Variants in VPS16 observed in about 807,000 individuals in gnomAD.
The protein encoded by VPS16 is VPS16 core subunit of CORVET and HOPS complexes, also known as vacuolar protein sorting-associated protein 16 homolog.
VPS16 carries 82 observed loss-of-function variants against 116.0 expected under a neutral mutation model. The ratio of observed to expected loss-of-function variants is 0.71; its 90% CI spans 0.59 to 0.85. The LOEUF (loss-of-function observed/expected upper bound fraction) is 0.85, where lower values mean the gene tolerates loss of function less well. Ranked by LOEUF, VPS16 falls within the 40% of genes least tolerant of loss-of-function variation. The pLI, the probability that VPS16 is intolerant of heterozygous loss-of-function variation, is 0.00. For missense variants in VPS16, 928 were observed against 1,090.6 expected, an observed-to-expected ratio of 0.85 and a Z score of 2.10; for synonymous variants, 406 against 420.7, an observed-to-expected ratio of 0.96 and a Z score of 0.43.
In VPS16 at chr20:2,860,969, G is replaced by A; in HGVS notation, c.631-1G>A. 6.2e-7 allele frequency: 1 copy of A among 1,614,124 alleles called. No individual in the cohort carries two copies. Among genetic ancestry groups the A allele is most frequent in the South Asian group, 1.1e-5 (1 of 91,086 alleles). On this transcript the variant is annotated splice_acceptor_variant, in intron 6 of 23. Coordinates refer to ENST00000380445, the MANE Select transcript of VPS16 (RefSeq NM_022575.4). LOFTEE classifies it high-confidence loss of function. This position sits in a 1 kb window ranked among gnomAD's most constrained non-coding sequence, Gnocchi z 6.1. ...CCACCCCTACCCTGGCTCTGCCTCA[G>A]ACGCCCCCTGGCCTGGCCCCAGGAG...
chr20:2,851,588 G>A (rs964127544), intron 1 of VPS16, among the ~76,000 whole-genome samples: 2 of 151,966 alleles, frequency 1.3e-5, no homozygotes, highest in African/African-American at 4.8e-5. Flanking sequence ...CTGGAACCTG[G>A]GAGGCAGAGG....
At chr20:2,842,140 A>T (rs2088982776) in intron 1 of VPS16, among the ~76,000 whole-genome samples, 1 of 152,138 alleles carries the variant, frequency 6.6e-6, no homozygotes, top group Admixed American at 6.6e-5. Flanking sequence ...AAAGTTTTTT[A>T]AAAATATTTT....
chr20:2,861,473 G>A lies in VPS16; in HGVS notation c.810-142G>A. ...AGCTGCCTTGAGCTGAGAGCTCAGG[G>A]ATAAGAGGGAAGTGGAGAGGTCAGT... is the stretch of plus-strand genomic sequence containing the variant. On this transcript the variant is annotated intron_variant, in intron 8 of 23. Transcript: ENST00000380445. 4 of 1,339,004 alleles carry A rather than the reference G, an allele frequency of 3.0e-6. No homozygotes were observed. In the South Asian group the frequency reaches 5.5e-5, roughly 18 times the overall value. The allele number at this position is 1,339,004 out of a possible 1,614,324, so 82.9% of individuals were successfully genotyped here.
intron 8 of VPS16, 39 bp from the exon 9 acceptor site, chr20:2,861,576 T>C (rs367701853): frequency 3.8e-6 from 6 of 1,572,346 alleles, no homozygotes; most frequent in Non-Finnish European, 5.2e-6. Context: ...GACATGGCCA[T>C]GGGACAGTGT....
intron 1 of VPS16, among the ~76,000 whole-genome samples, chr20:2,856,962 T>TTTTTTC (rs1228214143): frequency 7.3e-6 from 1 of 137,736 alleles, no homozygotes; most frequent in African/African-American, 3.0e-5. Context: ...ATATGAACTT[T>TTTTTTC]TTTTTCTTTT....
chr20:2,863,145 G>A lies in VPS16; in HGVS notation c.1367+45G>A. ...GCAGTGAGCGGGCTGTCAGGGGGGTGGGCATTACAGCCTTGGGTGGGGTCT... is the reference window on the plus strand; with the variant it reads ...GCAGTGAGCGGGCTGTCAGGGGGGTAGGCATTACAGCCTTGGGTGGGGTCT... On this transcript the variant is annotated intron_variant, in intron 14 of 23. Coordinates refer to ENST00000380445, the MANE Select transcript of VPS16 (RefSeq NM_022575.4). The surrounding 1 kb of genome is among the most constrained non-coding windows in gnomAD (Gnocchi z 4.4). The A allele has an allele frequency of 5.6e-6, 9 of 1,613,564 alleles. No homozygotes were observed. The highest frequency in any genetic ancestry group is 7.6e-6 in the Non-Finnish European group (9 of 1,179,908).
rs142758672 is a variant in VPS16 at position 2,860,858 on chromosome 20, G to A, written c.625G>A (p.Ala209Thr). ...CCTCTTGGACCATGCAGCCTGCTCCGCAGTGGTAAGGGCCCTGAGTGGGAA... is the reference window on the plus strand; with the variant it reads ...CCTCTTGGACCATGCAGCCTGCTCCACAGTGGTAAGGGCCCTGAGTGGGAA... The part of the protein sequence containing the change: ...LYLLDHAACS[A>T]VTPPGLAPGV... Residue 209 changes from alanine (A) to threonine (T), a missense_variant, in exon 6 of 24, where the codon GCA (alanine) becomes ACA (threonine). Ala to Thr is a moderately conservative substitution (Grantham distance 58). Transcript: ENST00000380445. This position sits in a 1 kb window ranked among gnomAD's most constrained non-coding sequence, Gnocchi z 6.1. 55 of 1,614,076 alleles carry A rather than the reference G, an allele frequency of 3.4e-5. No homozygotes were observed. In the Middle Eastern group the frequency reaches 9.9e-4, roughly 29 times the overall value.
At chr20:2,852,866 A>G (rs1468129468) in intron 1 of VPS16, among the ~76,000 whole-genome samples, 3 of 152,228 alleles carry the variant, frequency 2.0e-5, no homozygotes, top group Non-Finnish European at 4.4e-5. Flanking sequence ...GGTGGCTATC[A>G]TAATTTCTTA....
At chr20:2,847,643 T>G (rs1255425404) in intron 1 of VPS16, among the ~76,000 whole-genome samples, 1 of 152,044 alleles carries the variant, frequency 6.6e-6, no homozygotes, top group African/African-American at 2.4e-5. Context: ...CACACCCAGC[T>G]AATTTTTGTA....
Position 2,865,646 on chromosome 20 carries a change from C to T in VPS16, c.2271+151C>T. 3 of 716,856 alleles carry T rather than the reference C, an allele frequency of 4.2e-6. No homozygotes were observed. The highest frequency in any genetic ancestry group is 6.8e-6 in the Non-Finnish European group (3 of 441,106). The allele number at this position is 716,856 out of a possible 1,614,324, so 44.4% of individuals were successfully genotyped here. ...TGCTTCCTGTATACACATTTGTGGG[C>T]AGGCATCATCTGCTGTGTTGGGTGC... On this transcript the variant is annotated intron_variant, in intron 22 of 23. Transcript: ENST00000380445. This position sits in a 1 kb window ranked among gnomAD's most constrained non-coding sequence, Gnocchi z 5.2.
chr20:2,861,755 C>T (rs1224341475), intron 9 of VPS16, 50 bp from the exon 10 acceptor site: 7 of 1,610,274 alleles, frequency 4.3e-6, no homozygotes, highest in Admixed American at 1.7e-5. Flanking sequence ...GGAGGGTTCA[C>T]CTGCCCCGTC....
At position 2,861,112 on chromosome 20, in the gene VPS16, CAG is replaced by C; in HGVS notation, c.753+21_753+22del. The C allele has an allele frequency of 6.2e-7, 1 of 1,614,200 alleles. No homozygotes were observed. Among genetic ancestry groups the C allele is most frequent in the South Asian group, 1.1e-5 (1 of 91,090 alleles). On this transcript the variant is annotated intron_variant, in intron 7 of 23. Transcript: ENST00000380445. ...CTCAAGGTATGATCCTGGGGCAACA[CAG>C]GGGTACTGTGCCTTGTCCAGGGTAC...
Position 2,866,193 on chromosome 20 carries a change from C to T in VPS16, c.2272-19C>T. ...GCTGTGCATTACCTTCTCCCTCCACCCGCTTCCTCTCCTCCAAGCCTTTTG... is the reference window on the plus strand; with the variant it reads ...GCTGTGCATTACCTTCTCCCTCCACTCGCTTCCTCTCCTCCAAGCCTTTTG... On this transcript the variant is annotated intron_variant, in intron 22 of 23. Transcript: ENST00000380445. 6.2e-7 allele frequency: 1 copy of T among 1,612,592 alleles called. No individual in the cohort carries two copies. Among genetic ancestry groups the T allele is most frequent in the Non-Finnish European group, 8.5e-7 (1 of 1,178,918 alleles).
In VPS16 at chr20:2,860,211, C is replaced by T; in HGVS notation, c.241-28C>T. 1 of 1,613,968 alleles carries T rather than the reference C, an allele frequency of 6.2e-7. No homozygotes were observed. The highest frequency in any genetic ancestry group is 8.5e-7 in the Non-Finnish European group (1 of 1,179,986). On this transcript the variant is annotated intron_variant, in intron 3 of 23. Coordinates refer to ENST00000380445, the MANE Select transcript of VPS16 (RefSeq NM_022575.4). The surrounding 1 kb of genome is among the most constrained non-coding windows in gnomAD (Gnocchi z 6.1). ...TGGACAGGGTTTCCTCACCTGAGGA[C>T]AGCCTTAGGAACCTCTCTCCCCTGC...
intron 7 of VPS16, 38 bp from the exon 8 acceptor site, chr20:2,861,187 G>A (rs1198136884): frequency 6.2e-7 from 1 of 1,614,214 alleles, no homozygotes; most frequent in South Asian, 1.1e-5. Context: ...AATGGTGACT[G>A]CTGGGACAGG....
At chr20:2,841,107 C>CGCGGGTGACA in intron 1 of VPS16, 1 of 501,358 alleles carries the variant, frequency 2.0e-6, no homozygotes, top group South Asian at 2.4e-5. Flanking sequence ...GGAGGCAGCT[C>CGCGGGTGACA]GCGGGTGACA....
chr20:2,861,398 C>T (rs1176223048), intron 8 of VPS16, 118 bp downstream of exon 8: 1 of 1,509,534 alleles, frequency 6.6e-7, no homozygotes, highest in South Asian at 1.2e-5. Context: ...TGGATCTTAC[C>T]TTCTCTGCCA....
In VPS16 at chr20:2,862,634, T is replaced by A. The variant is rs1034737702; in HGVS notation, c.1127T>A (p.Leu376Gln). 3.1e-6 allele frequency: 5 copies of A among 1,613,230 alleles called. No individual in the cohort carries two copies. The highest frequency in any genetic ancestry group is 3.4e-6 in the Non-Finnish European group (4 of 1,179,990). Residue 376 changes from leucine (L) to glutamine (Q), a missense_variant, in exon 12 of 24, where the codon CTG becomes CAG. Transcript: ENST00000380445. ...CGGGAGATCCAGGAGCTGGGCCAGC[T>A]GACCCAGGCCGTGCAGCAGTGCATT... The part of the protein sequence containing the change: ...YLREIQELGQ[L>Q]TQAVQQCIEA...
In VPS16 at chr20:2,860,828, C is replaced by G. The variant is rs533954688; in HGVS notation, c.595C>G (p.Leu199Val). 2 of 1,614,132 alleles carry G rather than the reference C, an allele frequency of 1.2e-6. No homozygotes were observed. The highest frequency in any genetic ancestry group is 2.2e-5 in the South Asian group (2 of 91,090). ...AHILLAVGPD[L>V]YLLDHAACSA... ...CATTCTTCTGGCTGTGGGGCCTGACCTTTACCTCTTGGACCATGCAGCCTG... is the reference window on the plus strand; with the variant it reads ...CATTCTTCTGGCTGTGGGGCCTGACGTTTACCTCTTGGACCATGCAGCCTG... The change falls in exon 6 of 24, where the codon CTT becomes GTT. Residue 199 changes from leucine to valine, a missense_variant. Physicochemically the swap from Leu to Val is conservative, Grantham distance 32 (BLOSUM62 1). Transcript: ENST00000380445. This position sits in a 1 kb window ranked among gnomAD's most constrained non-coding sequence, Gnocchi z 6.1.
Sources: gnomAD v4.1 joint callset for allele counts (sites outside exome capture counted in the v4.1 genomes callset) on GRCh38, gnomAD v4.1.1 for gene constraint, Gnocchi (gnomAD v3.1) non-coding constraint, MANE v1.5 for transcripts, NCBI Gene and HGNC (gene_info 2026-07-23, HGNC 2026-07-21) for gene names.